The following BIRC6 variants were observed in gnomAD, a reference collection of about 807,000 sequenced individuals.
BIRC6 encodes dual E2 ubiquitin-conjugating enzyme/E3 ubiquitin-protein ligase BIRC6.
A neutral mutation model predicts 503.3 loss-of-function variants in BIRC6; 98 were observed. The observed-to-expected ratio is 0.19, with a 90% CI of 0.17 to 0.23. The LOEUF (loss-of-function observed/expected upper bound fraction) is 0.23, where lower values mean the gene tolerates loss of function less well. Among genes scored for constraint, BIRC6 ranks in the 10% least tolerant of loss-of-function variants. The pLI, the probability that BIRC6 is intolerant of heterozygous loss-of-function variation, is 1.00. For synonymous variants in BIRC6, 2,240 were observed against 2,078.7 expected (o/e 1.08, Z -2.11); for missense variants, 5,360 against 5,806.0 (o/e 0.92, Z 2.50).
chr2:32,454,766 A>G (rs929823261), intron 23 of BIRC6, among the ~76,000 whole-genome samples: 7 of 152,206 alleles, frequency 4.6e-5, no homozygotes, highest in African/African-American at 1.7e-4. Flanking sequence ...GAGGTTTTAA[A>G]AGGAATTTAT....
intron 61 of BIRC6, among the ~76,000 whole-genome samples, chr2:32,534,777 TAGA>T (rs1452004943): frequency 2.2e-5 from 2 of 89,510 alleles, no homozygotes; most frequent in Non-Finnish European, 4.7e-5. Flanking sequence ...AATGGAAGCA[TAGA>T]AAGTGTAAGG....
At chr2:32,545,447 G>A (rs779747213) in intron 62 of BIRC6, among the ~76,000 whole-genome samples, 196 bp from the exon 63 acceptor site, 10 of 152,118 alleles carry the variant, frequency 6.6e-5, no homozygotes, top group Non-Finnish European at 1.2e-4. Flanking sequence ...TACCGTGTCT[G>A]ACAGAGTTTT....
chr2:32,424,313 T>G (rs2043242019), intron 10 of BIRC6, among the ~76,000 whole-genome samples: 1 of 152,186 alleles, frequency 6.6e-6, no homozygotes, highest in South Asian at 2.1e-4. Flanking sequence ...ACAGTTTCAG[T>G]CATCACTGCG....
In BIRC6 at chr2:32,482,548, C is replaced by T. The variant is rs746766006; in HGVS notation, c.7662C>T (p.Asn2554=). Residue 2554 remains asparagine, a synonymous_variant, in exon 39 of 74, where the codon AAC becomes AAT. Transcript: ENST00000421745. Reference sequence around the variant, plus strand: ...AGCCACCAGCAAACACGGAGAAGAACGGATCACAGACAGTTAGCGTTTCAG... The same window carrying T: ...AGCCACCAGCAAACACGGAGAAGAATGGATCACAGACAGTTAGCGTTTCAG... ...VAKPPANTEK[N]GSQTVSVSVS... is the part of the protein sequence containing the mutation. 12 of 1,613,894 alleles carry T rather than the reference C, an allele frequency of 7.4e-6. No homozygotes were observed. Among genetic ancestry groups the T allele is most frequent in the Non-Finnish European group, 9.3e-6 (11 of 1,179,836 alleles).
chr2:32,547,826 A>G (rs746148994), intron 63 of BIRC6, 24 bp from the exon 64 acceptor site: 4 of 1,520,290 alleles, frequency 2.6e-6, no homozygotes, highest in African/African-American at 2.8e-5. Context: ...ATTGTAATGG[A>G]TTTTCATTTT....
chr2:32,387,283 G>C (rs1573846510), intron 3 of BIRC6, among the ~76,000 whole-genome samples: 1 of 148,360 alleles, frequency 6.7e-6, no homozygotes, highest in East Asian at 2.0e-4. Flanking sequence ...ATTAGGTCTA[G>C]AAGTTTTCAT....
At chr2:32,584,502 C>T (rs943818621) in intron 66 of BIRC6, among the ~76,000 whole-genome samples, 2 of 152,088 alleles carry the variant, frequency 1.3e-5, no homozygotes, top group African/African-American at 4.8e-5. Flanking sequence ...CATTGCACTC[C>T]AGCCTGGGCT....
chr2:32,462,067 G>A (rs1277613598), intron 23 of BIRC6, among the ~76,000 whole-genome samples: 3 of 151,894 alleles, frequency 2.0e-5, no homozygotes, highest in Non-Finnish European at 2.9e-5. Context: ...AAAAAAAAAG[G>A]TGGGGGGGAT....
At chr2:32,601,195 T>G (rs766979723) in intron 70 of BIRC6, among the ~76,000 whole-genome samples, 1 of 152,252 alleles carries the variant, frequency 6.6e-6, no homozygotes, top group Admixed American at 6.5e-5. Flanking sequence ...AAATTATTAA[T>G]CAACTACCTG....
At chr2:32,575,968 C>T (rs1054243988) in intron 66 of BIRC6, among the ~76,000 whole-genome samples, 1 of 152,142 alleles carries the variant, frequency 6.6e-6, no homozygotes, top group Non-Finnish European at 1.5e-5. Context: ...CAAATAGATG[C>T]TAGTTTCTCA....
At chr2:32,460,415 T>C (rs561879056) in intron 23 of BIRC6, among the ~76,000 whole-genome samples, 74 of 150,526 alleles carry the variant, frequency 4.9e-4, no homozygotes, top group African/African-American at 1.7e-3. Context: ...TACCTGGGAT[T>C]ACAGGTGCCC....
intron 55 of BIRC6, among the ~76,000 whole-genome samples, chr2:32,517,153 A>C (rs1228159304): frequency 6.6e-6 from 1 of 152,062 alleles, no homozygotes; most frequent in Non-Finnish European, 1.5e-5. Context: ...CAACATGGCA[A>C]AACCTCCTGT....
chr2:32,586,511 C>A (rs1168604187), intron 66 of BIRC6, among the ~76,000 whole-genome samples: 1 of 148,312 alleles, frequency 6.7e-6, no homozygotes, highest in African/African-American at 2.5e-5. Context: ...ACTGCAACCT[C>A]CACCACCCAG....
rs1046606046 is a variant in BIRC6 at position 32,465,851 on chromosome 2, GT to G, written c.5356+688del. ...TAAATAGTATTTGCGTTCTTGCAAT[GT>G]GGTTGTTTCCTCTTTGTAAGAGGGA... On this transcript the variant is annotated intron_variant, in intron 26 of 73. Transcript: ENST00000421745. Among the ~76,000 whole-genome samples, 48 of 152,336 alleles carry G rather than the reference GT, an allele frequency of 3.2e-4. 1 individual carries two copies. Among genetic ancestry groups the G allele is most frequent in the Middle Eastern group, 3.4e-3 (1 of 292 alleles).
intron 6 of BIRC6, among the ~76,000 whole-genome samples, chr2:32,397,565 C>A (rs1255648016): frequency 7.0e-6 from 1 of 143,142 alleles, no homozygotes; most frequent in African/African-American, 2.7e-5. Flanking sequence ...TTGTCTTTCC[C>A]CGTAAAGGCT....
intron 53 of BIRC6, among the ~76,000 whole-genome samples, chr2:32,511,191 CTTTTCTTTTCTTTTTTTTTTT>C (rs1023351431): frequency 1.7e-4 from 9 of 52,716 alleles, no homozygotes; most frequent in Non-Finnish European, 3.7e-4. Context: ...TGATTTTTTT[CTTTTCTTTTCTTTTTTTTTTT>C]TTTTTTTTTT....
At chr2:32,584,246 T>C in intron 66 of BIRC6, among the ~76,000 whole-genome samples, 1 of 152,124 alleles carries the variant, frequency 6.6e-6, no homozygotes, top group East Asian at 1.9e-4. Flanking sequence ...AAAAATTTTT[T>C]TGGCTGGGTG....
intron 66 of BIRC6, among the ~76,000 whole-genome samples, chr2:32,591,484 C>T (rs1000730307): frequency 6.6e-6 from 1 of 151,652 alleles, no homozygotes; most frequent in Admixed American, 6.6e-5. Flanking sequence ...GATTTAGAAT[C>T]AGTAGTTCCA....
chr2:32,488,229 G>T (rs921870393), intron 41 of BIRC6, among the ~76,000 whole-genome samples: 16 of 152,000 alleles, frequency 1.1e-4, no homozygotes, highest in African/African-American at 3.1e-4. Flanking sequence ...TACAGTCCCA[G>T]CTACTCGGGA....
Sources: gnomAD v4.1 joint callset for allele counts (sites outside exome capture counted in the v4.1 genomes callset) on GRCh38, gnomAD v4.1.1 for gene constraint, MANE v1.5 for transcripts, NCBI Gene and HGNC (gene_info 2026-07-23, HGNC 2026-07-21) for gene names.